Variants in MATN3 observed in about 807,000 individuals in gnomAD.
The protein encoded by MATN3 is matrilin-3.
In MATN3, 48 loss-of-function variants were observed where a neutral mutation model predicts 45.3. That is an observed-to-expected ratio of 1.06 (90% CI 0.84 to 1.35). The LOEUF is 1.35. Among genes scored for constraint, MATN3 ranks in the 40% most tolerant of loss-of-function variants. MATN3 has a pLI of 0.00. For synonymous variants in MATN3, 217 were observed against 245.9 expected (o/e 0.88, Z 1.10); for missense variants, 599 against 628.0 (o/e 0.95, Z 0.49).
At chr2:20,009,792 T>C (rs1242131356) in intron 1 of MATN3, among the ~76,000 whole-genome samples, 1 of 152,122 alleles carries the variant, frequency 6.6e-6, no homozygotes, top group African/African-American at 2.4e-5. Flanking sequence ...ATCCCAGGTC[T>C]TTAGGCAAAT....
chr2:19,992,959 T>G lies in MATN3; in HGVS notation c.*152A>C. ...AGAATCATGCTGATTCTGCAGAAGA[T>G]CTTCATACAATTTATCCAGTAATAT... On this transcript the variant is annotated 3_prime_UTR_variant, in exon 8 of 8. Transcript: ENST00000407540. 1.5e-6 allele frequency: 1 copy of G among 650,926 alleles called. No individual in the cohort carries two copies. The highest frequency in any genetic ancestry group is 1.9e-5 in the South Asian group (1 of 52,666). The allele number at this position is 650,926 out of a possible 1,614,324, so 40.3% of individuals were successfully genotyped here.
At chr2:20,002,665 T>A (rs551893443) in intron 3 of MATN3, among the ~76,000 whole-genome samples, 9 of 152,300 alleles carry the variant, frequency 5.9e-5, no homozygotes, top group Admixed American at 5.9e-4. Context: ...AGAGGCATTA[T>A]CATAGCTCAC....
intron 4 of MATN3, 104 bp downstream of exon 4, chr2:20,001,851 G>T: frequency 8.9e-7 from 1 of 1,125,484 alleles, no homozygotes; most frequent in Non-Finnish European, 1.3e-6. Flanking sequence ...GGTGGCAAGA[G>T]AGGAAAACAC....
At chr2:19,993,700 A>T (rs1192732959) in intron 7 of MATN3, among the ~76,000 whole-genome samples, 2 of 152,196 alleles carry the variant, frequency 1.3e-5, no homozygotes, top group African/African-American at 4.8e-5. Context: ...CCTCCCTTAA[A>T]AGTCTCTACA....
At chr2:20,006,642 A>G (rs1471170794) in intron 1 of MATN3, among the ~76,000 whole-genome samples, 4 of 152,168 alleles carry the variant, frequency 2.6e-5, no homozygotes, top group Non-Finnish European at 5.9e-5. Context: ...TAGATTCTAC[A>G]CATTTCTTAA....
intron 2 of MATN3, among the ~76,000 whole-genome samples, chr2:20,005,384 G>C (rs754920357): frequency 7.2e-5 from 11 of 152,168 alleles, no homozygotes; most frequent in Non-Finnish European, 1.2e-4. Context: ...AAAAAATGTA[G>C]TGGTGGGGCA....
At chr2:20,005,641 T>C in intron 2 of MATN3, 103 bp downstream of exon 2, 1 of 1,055,882 alleles carries the variant, frequency 9.5e-7, no homozygotes, top group Non-Finnish European at 1.3e-6. Context: ...ATTTAAGTTT[T>C]TCATTAAATT....
rs1161261198 is a variant in MATN3 at position 19,995,765 on chromosome 2, C to A, written c.1295-1356G>T. On this transcript the variant is annotated intron_variant, in intron 6 of 7. Coordinates refer to ENST00000407540, the MANE Select transcript of MATN3 (RefSeq NM_002381.5). This position sits in a 1 kb window ranked among gnomAD's most constrained non-coding sequence, Gnocchi z 4.2. Reference sequence around the variant, plus strand: ...TGTATCATCTTCCAATGGAGTAATTCTATTGCCTGAGGACAGGAAATGGTC... The same window carrying A: ...TGTATCATCTTCCAATGGAGTAATTATATTGCCTGAGGACAGGAAATGGTC... Among the ~76,000 whole-genome samples the A allele has an allele frequency of 2.6e-5, 4 of 152,192 alleles. No individual in the cohort carries two copies. The highest frequency in any genetic ancestry group is 5.9e-5 in the Non-Finnish European group (4 of 68,026).
chr2:20,010,064 T>TCCA (rs1247085339), intron 1 of MATN3, among the ~76,000 whole-genome samples: 16 of 10,796 alleles, frequency 1.5e-3, no homozygotes, highest in Admixed American at 4.7e-3. Context: ...TCTCTTCAAA[T>TCCA]ACTAAAAAAA....
rs11365401 is a variant in MATN3 at position 20,009,270 on chromosome 2, T to TAA, written c.224-2962_224-2961dup. Among the ~76,000 whole-genome samples, 259 of 130,906 alleles carry TAA rather than the reference T, an allele frequency of 2.0e-3. 5 individuals carry two copies. Among genetic ancestry groups the TAA allele is most frequent in the African/African-American group, 5.7e-3 (203 of 35,462 alleles). 85.9% of individuals were successfully genotyped at this position (130,906 alleles called of 152,430 possible). A position where few individuals can be genotyped will look rare whatever the true frequency, so the allele number is the denominator to read the frequency against. ...AAGGAATCAAAATTCTTTCTTTCTT[T>TAA]AAAAAAAAAAAAAACAACTCCAGCA... On this transcript the variant is annotated intron_variant, in intron 1 of 7. Transcript: ENST00000407540.
intron 4 of MATN3, among the ~76,000 whole-genome samples, chr2:20,001,252 T>C (rs1672979203): frequency 6.6e-6 from 1 of 152,216 alleles, no homozygotes; most frequent in South Asian, 2.1e-4. Flanking sequence ...GATTTACTAA[T>C]CTACAGACTT....
At chr2:20,006,415 A>T in intron 1 of MATN3, 105 bp from the exon 2 acceptor site, 1 of 820,816 alleles carries the variant, frequency 1.2e-6, no homozygotes, top group South Asian at 1.9e-5. Context: ...GCATCTCCTG[A>T]CCCCAACATC....
chr2:20,006,203 C>T lies in MATN3; in HGVS notation c.331G>A (p.Asp111Asn), dbSNP rs1477332590. Residue 111 changes from aspartate (D) to asparagine (N), a missense_variant, in exon 2 of 8, where the codon GAC becomes AAC. Asp to Asn is a conservative substitution (Grantham distance 23, BLOSUM62 1). Transcript: ENST00000407540. ...KVKTFVSRIIDTLDIGPADTR... is the reference protein window; with the variant it reads ...KVKTFVSRIINTLDIGPADTR... ...TCGGCTGGCCCAATGTCCAGAGTGT[C>T]GATTATCCGGGAGACAAAAGTTTTC... 8 of 1,613,580 alleles carry T rather than the reference C, an allele frequency of 5.0e-6. No homozygotes were observed. Among genetic ancestry groups the T allele is most frequent in the African/African-American group, 1.3e-5 (1 of 74,892 alleles).
intron 1 of MATN3, among the ~76,000 whole-genome samples, chr2:20,007,985 C>T (rs1265986059): frequency 2.0e-5 from 3 of 152,062 alleles, no homozygotes; most frequent in African/African-American, 7.2e-5. Flanking sequence ...TTTTTTGAGA[C>T]GGAGTCTCAT....
intron 3 of MATN3, among the ~76,000 whole-genome samples, chr2:20,002,880 G>C (rs964348577): frequency 7.2e-5 from 11 of 152,044 alleles, no homozygotes; most frequent in African/African-American, 2.7e-4. Context: ...GGAATTATAG[G>C]CATGAGCTAC....
At chr2:20,005,381 G>A (rs894694924) in intron 2 of MATN3, among the ~76,000 whole-genome samples, 1 of 152,156 alleles carries the variant, frequency 6.6e-6, no homozygotes, top group Non-Finnish European at 1.5e-5. Context: ...GGAAAAAAAT[G>A]TAGTGGTGGG....
At chr2:19,996,255 ATAGT>A (rs1672863554) in intron 6 of MATN3, among the ~76,000 whole-genome samples, 2 of 152,352 alleles carry the variant, frequency 1.3e-5, no homozygotes, top group Admixed American at 6.5e-5. Context: ...AAGGAATAAA[ATAGT>A]TAGGAATAAA....
At chr2:20,007,972 CT>C (rs1241531341) in intron 1 of MATN3, among the ~76,000 whole-genome samples, 2 of 151,784 alleles carry the variant, frequency 1.3e-5, no homozygotes, top group Non-Finnish European at 2.9e-5. Flanking sequence ...ACTTCTTTTT[CT>C]TTTTTTTGAG....
intron 2 of MATN3, 106 bp downstream of exon 2, chr2:20,005,637 GT>G: frequency 4.8e-6 from 5 of 1,031,862 alleles, no homozygotes; most frequent in Non-Finnish European, 6.9e-6. Flanking sequence ...ATATATTTAA[GT>G]TTTTCATTAA....
Sources: gnomAD v4.1 joint callset for allele counts (sites outside exome capture counted in the v4.1 genomes callset) on GRCh38, gnomAD v4.1.1 for gene constraint, Gnocchi (gnomAD v3.1) non-coding constraint, MANE v1.5 for transcripts, NCBI Gene and HGNC (gene_info 2026-07-23, HGNC 2026-07-21) for gene names.